BRCA2: variants seen among roughly 807,000 people sequenced by gnomAD.
BRCA2 encodes breast cancer type 2 susceptibility protein.
BRCA2 carries 203 observed loss-of-function variants against 276.7 expected under a neutral mutation model. That is an observed-to-expected ratio of 0.73 (90% CI 0.65 to 0.82). BRCA2 has a LOEUF of 0.82. BRCA2 is among the 40% of genes least tolerant of loss of function. The probability of loss-of-function intolerance (pLI) is 0.00; values close to 1 mark genes in which losing one functional copy is unlikely to be tolerated. For synonymous variants in BRCA2, 1,289 were observed against 1,338.4 expected (o/e 0.96, Z 0.81); for missense variants, 3,920 against 3,915.0 (o/e 1.00, Z -0.03).
chr13:32,351,106 C>T (rs1475952897), intron 13 of BRCA2, among the ~76,000 whole-genome samples: 1 of 152,202 alleles, frequency 6.6e-6, no homozygotes, highest in African/African-American at 2.4e-5. Context: ...CCTGAGCCAG[C>T]CCCAGCAGCC....
chr13:32,391,124 T>C (rs919024721), intron 24 of BRCA2, among the ~76,000 whole-genome samples: 5 of 152,344 alleles, frequency 3.3e-5, no homozygotes, highest in African/African-American at 9.6e-5. Flanking sequence ...ATCTAATGCT[T>C]TGTTACTGTA....
chr13:32,353,435 C>T (rs1176306822), intron 13 of BRCA2, among the ~76,000 whole-genome samples: 1 of 151,622 alleles, frequency 6.6e-6, no homozygotes, highest in Admixed American at 6.6e-5. Flanking sequence ...TTACTCAGAA[C>T]TATTCCGTGG....
chr13:32,393,745 C>CA (rs2073013830), intron 24 of BRCA2, among the ~76,000 whole-genome samples: 1 of 152,152 alleles, frequency 6.6e-6, no homozygotes, highest in Non-Finnish European at 1.5e-5. Flanking sequence ...TCTCAGCAGA[C>CA]AGAGGTGGGA....
Position 32,396,969 on chromosome 13 carries a change from G to T in BRCA2, c.9573G>T (p.Trp3191Cys). 1.2e-6 allele frequency: 2 copies of T among 1,613,984 alleles called. No homozygotes were observed. Among genetic ancestry groups the T allele is most frequent in the Non-Finnish European group, 1.7e-6 (2 of 1,179,926 alleles). The part of the protein sequence containing the change: ...MHILHANDPK[W>C]STPTKDCTSG... ...TACTGCATGCAAATGATCCCAAGTGGTCCACCCCAACTAAAGACTGTACTT... is the reference window on the plus strand; with the variant it reads ...TACTGCATGCAAATGATCCCAAGTGTTCCACCCCAACTAAAGACTGTACTT... The change falls in exon 26 of 27, where the codon TGG becomes TGT. Residue 3191 changes from tryptophan (W) to cysteine (C), a missense_variant. Around this residue, in one of 2 missense-constraint regions of BRCA2, gnomAD observed 657 missense variants for 758.2 expected, o/e 0.87. Transcript: ENST00000380152.
rs80359255 is a variant in BRCA2 at position 32,398,449 on chromosome 13, A to G, written c.9936A>G (p.Ile3312Met). Reference sequence around the variant, plus strand: ...GTGGCACCAAATACGAAACACCCATAAAGAAAAAAGAACTGAATTCTCCTC... The same window carrying G: ...GTGGCACCAAATACGAAACACCCATGAAGAAAAAAGAACTGAATTCTCCTC... ...RSCGTKYETP[I>M]KKKELNSPQM... The change falls in exon 27 of 27, where the codon ATA becomes ATG. Residue 3312 changes from isoleucine to methionine, a missense_variant. Ile to Met is a conservative substitution (Grantham distance 10). Transcript: ENST00000380152. The G allele has an allele frequency of 1.2e-6, 2 of 1,614,218 alleles. No individual in the cohort carries two copies. Among genetic ancestry groups the G allele is most frequent in the African/African-American group, 1.3e-5 (1 of 75,058 alleles).
chr13:32,397,043 T>C lies in BRCA2; in HGVS notation c.9647T>C (p.Leu3216Pro), dbSNP rs431825377. Reference protein sequence around the residue: ...QIIPGTGNKLLMSSPNCEIYY... With the variant: ...QIIPGTGNKLPMSSPNCEIYY... ...ATTCCTGGTACAGGAAACAAGCTTC[T>C]GGTAAGTTAATGTAAACTCAAGGAA... Residue 3216 changes from leucine (L) to proline (P), a missense_variant and splice_region_variant, in exon 26 of 27, where the codon CTG becomes CCG. Physicochemically the swap from Leu to Pro is moderately conservative, Grantham distance 98. This residue lies in a region of BRCA2 where 657 missense variants were observed against 758.2 expected (regional missense o/e 0.87). Transcript: ENST00000380152. 5 of 1,613,746 alleles carry C rather than the reference T, an allele frequency of 3.1e-6. No individual in the cohort carries two copies. The highest frequency in any genetic ancestry group is 4.2e-6 in the Non-Finnish European group (5 of 1,179,794).
At chr13:32,331,117 C>T (rs2137462774) in intron 9 of BRCA2, 87 bp downstream of exon 9, 2 of 943,826 alleles carry the variant, frequency 2.1e-6, no homozygotes. Context: ...TGCTCTGTCA[C>T]CCGTGATCTC....
Position 32,336,401 on chromosome 13 carries a change from C to T in BRCA2, c.2046C>T (p.Ile682=), listed in dbSNP as rs876660868. ...AAACATGTTCTAATAATACAGTAATCTCTCAGGATCTTGATTATAAAGAAG... is the reference window on the plus strand; with the variant it reads ...AAACATGTTCTAATAATACAGTAATTTCTCAGGATCTTGATTATAAAGAAG... ...RNETCSNNTV[I]SQDLDYKEAK... is the part of the protein sequence containing the mutation. The change falls in exon 11 of 27, where the codon ATC becomes ATT. Residue 682 remains isoleucine (I), a synonymous_variant. Coordinates refer to ENST00000380152, the MANE Select transcript of BRCA2 (RefSeq NM_000059.4). 1.2e-6 allele frequency: 2 copies of T among 1,613,094 alleles called. No individual in the cohort carries two copies. Among genetic ancestry groups the T allele is most frequent in the African/African-American group, 2.7e-5 (2 of 74,796 alleles).
At chr13:32,361,112 A>C (rs1260417086) in intron 16 of BRCA2, among the ~76,000 whole-genome samples, 1 of 152,242 alleles carries the variant, frequency 6.6e-6, no homozygotes, top group Non-Finnish European at 1.5e-5. Context: ...ATCAATTCAC[A>C]AGTCATCGGC....
At position 32,338,274 on chromosome 13, in the gene BRCA2, G is replaced by A. The variant is rs2137501256; in HGVS notation, c.3919G>A (p.Glu1307Lys). 2 of 1,566,002 alleles carry A rather than the reference G, an allele frequency of 1.3e-6. No individual in the cohort carries two copies. Among genetic ancestry groups the A allele is most frequent in the South Asian group, 1.2e-5 (1 of 82,620 alleles). ...TGAAATGACTACTGGCACTTTTGTT[G>A]AAGAAATTACTGAAAATTACAAGAG... ...NIEMTTGTFV[E>K]EITENYKRNT... Residue 1307 changes from glutamate (E) to lysine (K), a missense_variant, in exon 11 of 27, where the codon GAA becomes AAA. Physicochemically the swap from Glu to Lys is moderately conservative, Grantham distance 56. Coordinates refer to ENST00000380152, the MANE Select transcript of BRCA2 (RefSeq NM_000059.4).
intron 20 of BRCA2, among the ~76,000 whole-genome samples, chr13:32,371,640 G>A (rs2072835593): frequency 1.3e-5 from 2 of 151,558 alleles, no homozygotes; most frequent in Non-Finnish European, 2.9e-5. Flanking sequence ...CAGAAATATT[G>A]CTCCTTATGC....
chr13:32,359,349 C>T (rs921683340), intron 16 of BRCA2, among the ~76,000 whole-genome samples: 2 of 150,406 alleles, frequency 1.3e-5, no homozygotes, highest in East Asian at 2.0e-4. Flanking sequence ...TATAAATAAA[C>T]ACTAAAAGTT....
chr13:32,365,244 C>G (rs372225488), intron 18 of BRCA2, among the ~76,000 whole-genome samples: 190 of 150,350 alleles, frequency 1.3e-3, no homozygotes, highest in African/African-American at 4.3e-3. Context: ...TCAAACGGTC[C>G]TCACGCTTTA....
At chr13:32,325,234 A>T (rs1476245856) in intron 4 of BRCA2, 50 bp downstream of exon 4, 1 of 1,325,390 alleles carries the variant, frequency 7.5e-7, no homozygotes, top group Non-Finnish European at 1.1e-6. Flanking sequence ...ATTTTCCTAC[A>T]TATATTTGTT....
chr13:32,332,819 A>G lies in BRCA2; in HGVS notation c.1341A>G (p.Pro447=), dbSNP rs1004086504. ...TTCTTACTTCAGAGAATTCTTTGCC[A>G]CGTATTTCTAGCCTACCAAAATCAG... is the stretch of plus-strand genomic sequence containing the variant. The part of the protein sequence containing the change: ...KDFLTSENSL[P]RISSLPKSEK... The change falls in exon 10 of 27, where the codon CCA becomes CCG. Residue 447 remains proline (P), a synonymous_variant. Coordinates refer to ENST00000380152, the MANE Select transcript of BRCA2 (RefSeq NM_000059.4). 1 of 1,611,470 alleles carries G rather than the reference A, an allele frequency of 6.2e-7. No homozygotes were observed. Among genetic ancestry groups the G allele is most frequent in the Non-Finnish European group, 8.5e-7 (1 of 1,179,312 alleles).
intron 12 of BRCA2, 42 bp downstream of exon 12, chr13:32,344,695 G>A (rs1371469196): frequency 1.5e-6 from 2 of 1,356,654 alleles, no homozygotes; most frequent in East Asian, 4.6e-5. Flanking sequence ...CCCTCTATAG[G>A]TATGGTATAT....
At chr13:32,367,296 C>T (rs969117085) in intron 18 of BRCA2, among the ~76,000 whole-genome samples, 2 of 151,542 alleles carry the variant, frequency 1.3e-5, no homozygotes, top group African/African-American at 2.4e-5. Context: ...ATTAGGTAGG[C>T]CTGGGGGCGG....
chr13:32,383,371 A>G (rs192817552), intron 24 of BRCA2, among the ~76,000 whole-genome samples: 4 of 152,198 alleles, frequency 2.6e-5, no homozygotes, highest in Non-Finnish European at 5.9e-5. Flanking sequence ...AGAGAAAGAA[A>G]AGGGTGTTGA....
At position 32,338,411 on chromosome 13, in the gene BRCA2, TGAAAC is replaced by T. The variant is rs397507322; in HGVS notation, c.4058_4062del (p.Glu1353GlyfsTer6). 6.2e-7 allele frequency: 1 copy of T among 1,604,108 alleles called. No homozygotes were observed. Among genetic ancestry groups the T allele is most frequent in the Non-Finnish European group, 8.5e-7 (1 of 1,176,996 alleles). The stretch of plus-strand genomic sequence containing the variant: ...ATGATACTGTTTGTATTCATAAAGA[TGAAAC>T]GGACTTGCTATTTACTGATCAGCAC... On this transcript the variant is annotated frameshift_variant, in exon 11 of 27. Transcript: ENST00000380152. LOFTEE classifies it high-confidence loss of function.
Sources: gnomAD v4.1 joint callset for allele counts (sites outside exome capture counted in the v4.1 genomes callset) on GRCh38, gnomAD v4.1.1 for gene constraint, gnomAD v4.1.1 regional missense constraint, MANE v1.5 for transcripts, NCBI Gene and HGNC (gene_info 2026-07-23, HGNC 2026-07-21) for gene names.